Variants in SLC47A2 observed in about 807,000 individuals in gnomAD.
The protein encoded by SLC47A2 is multidrug and toxin extrusion protein 2.
In SLC47A2, 52 loss-of-function variants were observed where a neutral mutation model predicts 67.7. The observed-to-expected ratio is 0.77, with a 90% CI of 0.61 to 0.97. The LOEUF is 0.97. SLC47A2 is among the 50% of genes least tolerant of loss of function. The pLI is 0.00. For missense variants in SLC47A2, 676 were observed against 712.3 expected, an observed-to-expected ratio of 0.95 and a Z score of 0.58; for synonymous variants, 278 against 292.9, an observed-to-expected ratio of 0.95 and a Z score of 0.52.
At chr17:19,694,509 G>C (rs1452404491) in intron 13 of SLC47A2, among the ~76,000 whole-genome samples, 2 of 152,182 alleles carry the variant, frequency 1.3e-5, no homozygotes, top group Admixed American at 6.5e-5. Flanking sequence ...AAGAAACTTA[G>C]TACTGGAGAA....
rs751939307 is a variant in SLC47A2, at chr17:19,708,329, A to G, written c.602T>C (p.Leu201Pro). 2 of 1,613,374 alleles carry G rather than the reference A, an allele frequency of 1.2e-6. No individual in the cohort carries two copies. The highest frequency in any genetic ancestry group is 2.2e-5 in the East Asian group (1 of 44,870). ...GACCCCCAGGTTCAGCACAGAAACC[A>G]GGGCATAGTTGGCCACACCGTTGAC... Reference protein sequence around the residue: ...NCVNGVANYALVSVLNLGVRG... With the variant: ...NCVNGVANYAPVSVLNLGVRG... Residue 201 changes from leucine to proline, a missense_variant, in exon 7 of 17, where the codon CTG becomes CCG. Leu to Pro is a moderately conservative substitution (Grantham distance 98). Transcript: ENST00000433844.
chr17:19,712,482 G>A (rs1050314132), intron 5 of SLC47A2, among the ~76,000 whole-genome samples: 3 of 152,118 alleles, frequency 2.0e-5, no homozygotes, highest in East Asian at 1.9e-4. Context: ...CATGCTTTTC[G>A]TATTTTCTCC....
intron 11 of SLC47A2, among the ~76,000 whole-genome samples, chr17:19,703,839 G>A (rs1425671189): frequency 6.6e-6 from 1 of 152,252 alleles, no homozygotes; most frequent in Non-Finnish European, 1.5e-5. Flanking sequence ...GGGAAGGAGT[G>A]AGTGGGGATG....
At chr17:19,687,507 C>T (rs1312484436) in intron 13 of SLC47A2, among the ~76,000 whole-genome samples, 1 of 150,926 alleles carries the variant, frequency 6.6e-6, no homozygotes, top group Non-Finnish European at 1.5e-5. Flanking sequence ...AAGGTCAGAG[C>T]AGAAATAAGT....
In SLC47A2 at chr17:19,678,870, G is replaced by A. The variant is rs368144909; in HGVS notation, c.1517C>T (p.Thr506Met). The A allele has an allele frequency of 1.6e-5, 25 of 1,597,794 alleles. No homozygotes were observed. Among genetic ancestry groups the A allele is most frequent in the East Asian group, 6.8e-5 (3 of 44,316 alleles). Residue 506 changes from threonine to methionine, a missense_variant, in exon 17 of 17, where the codon ACG (threonine) becomes ATG (methionine). Thr to Met is a moderately conservative substitution (Grantham distance 81). Coordinates refer to ENST00000433844, the MANE Select transcript of SLC47A2 (RefSeq NM_001099646.3). ...TGSSPGITLTTYSRSECHVDF... is the reference protein window; with the variant it reads ...TGSSPGITLTMYSRSECHVDF... ...CACGTGGCACTCAGACCTTGAATAC[G>A]TTGTCAAGGTAATGCCAGGGGAACT...
intron 6 of SLC47A2, 80 bp from the exon 7 acceptor site, chr17:19,708,479 G>T (rs747665271): frequency 6.2e-7 from 1 of 1,614,124 alleles, no homozygotes; most frequent in South Asian, 1.1e-5. Flanking sequence ...TTGGAATGGG[G>T]ACTCCTCCTC....
At chr17:19,714,001 C>T (rs750309073) in intron 3 of SLC47A2, 28 bp from the exon 4 acceptor site, 2 of 1,603,648 alleles carry the variant, frequency 1.2e-6, no homozygotes, top group South Asian at 2.2e-5. Flanking sequence ...CCGCGTCAGC[C>T]GTTTCCACTG....
intron 13 of SLC47A2, among the ~76,000 whole-genome samples, chr17:19,692,668 C>G (rs1044621068): frequency 6.6e-6 from 1 of 152,186 alleles, no homozygotes; most frequent in African/African-American, 2.4e-5. Flanking sequence ...GGAGAGAATA[C>G]TTCCAAACTC....
At chr17:19,714,971 G>C in intron 2 of SLC47A2, 145 bp downstream of exon 2, 1 of 1,247,284 alleles carries the variant, frequency 8.0e-7, no homozygotes, top group Non-Finnish European at 1.2e-6. Flanking sequence ...CCGGCCCTCA[G>C]GTTCCACCTG....
chr17:19,704,761 G>T, intron 10 of SLC47A2: 1 of 1,413,662 alleles, frequency 7.1e-7, no homozygotes, highest in Non-Finnish European at 9.7e-7. Context: ...TGGGGACGCT[G>T]TCACCCAGCT....
intron 13 of SLC47A2, among the ~76,000 whole-genome samples, chr17:19,686,037 A>T (rs1163746119): frequency 6.6e-6 from 1 of 152,072 alleles, no homozygotes; most frequent in Non-Finnish European, 1.5e-5. Context: ...AAAGCAAAAG[A>T]CCTCACCTGA....
intron 5 of SLC47A2, among the ~76,000 whole-genome samples, chr17:19,711,368 G>T (rs987296909): frequency 2.0e-5 from 3 of 150,884 alleles, no homozygotes; most frequent in Non-Finnish European, 3.0e-5. Context: ...GAAGCGAGTG[G>T]ATCACCTGAG....
intron 13 of SLC47A2, among the ~76,000 whole-genome samples, chr17:19,690,954 T>TA (rs2085527294): frequency 6.6e-6 from 1 of 151,974 alleles, no homozygotes; most frequent in Non-Finnish European, 1.5e-5. Context: ...ACCCCTTCTC[T>TA]ACTAAAAAAA....
chr17:19,701,786 G>T (rs1290053182), intron 13 of SLC47A2, among the ~76,000 whole-genome samples: 6 of 152,100 alleles, frequency 3.9e-5, no homozygotes, highest in African/African-American at 1.4e-4. Context: ...TTCAAGGCCA[G>T]CCAGGGCTTG....
At chr17:19,716,130 C>G (rs899560978) in intron 1 of SLC47A2, 9 of 359,082 alleles carry the variant, frequency 2.5e-5, no homozygotes, top group Admixed American at 8.8e-5. Context: ...ATCTCTGGGT[C>G]CCATTTGTCC....
chr17:19,700,938 C>T (rs181358867), intron 13 of SLC47A2, among the ~76,000 whole-genome samples: 177 of 151,626 alleles, frequency 1.2e-3, no homozygotes, highest in African/African-American at 4.1e-3. Flanking sequence ...GAAGCCGAGG[C>T]GGGTGGGTCA....
chr17:19,705,506 A>G lies in SLC47A2; in HGVS notation c.842-3T>C. 1 of 1,599,512 alleles carries G rather than the reference A, an allele frequency of 6.3e-7. No individual in the cohort carries two copies. Among genetic ancestry groups the G allele is most frequent in the South Asian group, 1.1e-5 (1 of 89,630 alleles). On this transcript the variant is annotated splice_region_variant and splice_polypyrimidine_tract_variant and intron_variant, in intron 9 of 16. Transcript: ENST00000433844. ...GAGATCCACCACACTGAGCAGCCCT[A>G]GAGAAGAGGCCCGCCGTGAGTCCGG...
At chr17:19,696,825 C>T (rs377153914) in intron 13 of SLC47A2, among the ~76,000 whole-genome samples, 4 of 152,186 alleles carry the variant, frequency 2.6e-5, no homozygotes, top group Admixed American at 1.3e-4. Context: ...ATTTGGCTCA[C>T]GGTTCTGGAG....
chr17:19,704,655 G>C (rs561964808), intron 10 of SLC47A2: 4 of 1,549,226 alleles, frequency 2.6e-6, no homozygotes, highest in South Asian at 2.4e-5. Context: ...ATGCGTACCC[G>C]AGTGACATGG....
Sources: allele counts gnomAD v4.1 joint callset (sites outside exome capture counted in the v4.1 genomes callset), GRCh38; gene constraint gnomAD v4.1.1; transcripts MANE v1.5; gene names NCBI Gene and HGNC (gene_info 2026-07-23, HGNC 2026-07-21).